The following RBL2 variants were observed in gnomAD, a reference collection of about 807,000 sequenced individuals.
The protein encoded by RBL2 is retinoblastoma-like protein 2.
In RBL2, 56 loss-of-function variants were observed where a neutral mutation model predicts 126.0. That is an observed-to-expected ratio of 0.44 (90% CI 0.36 to 0.56). The LOEUF is 0.56. Ranked by LOEUF, RBL2 falls within the 20% of genes least tolerant of loss-of-function variation. RBL2 has a pLI of 0.00. For missense variants in RBL2, 1,229 were observed against 1,398.2 expected, an observed-to-expected ratio of 0.88 and a Z score of 1.93; for synonymous variants, 454 against 478.5, an observed-to-expected ratio of 0.95 and a Z score of 0.67.
intron 2 of RBL2, among the ~76,000 whole-genome samples, chr16:53,441,772 G>A (rs1055669115): frequency 3.3e-5 from 5 of 152,126 alleles, no homozygotes; most frequent in Admixed American, 2.0e-4. Flanking sequence ...GAAGGGTAAG[G>A]ATGGGATTAG....
chr16:53,454,109 A>T, intron 7 of RBL2: 1 of 405,460 alleles, frequency 2.5e-6, no homozygotes, highest in Non-Finnish European at 4.8e-6. Flanking sequence ...CGGAAGTTGC[A>T]CCTACCAGCA....
intron 21 of RBL2, among the ~76,000 whole-genome samples, chr16:53,484,953 T>C (rs1464124309): frequency 2.0e-5 from 3 of 151,578 alleles, no homozygotes; most frequent in Non-Finnish European, 2.9e-5. Flanking sequence ...AAAAATATTA[T>C]CAGGACAAAG....
chr16:53,455,792 C>T lies in RBL2; in HGVS notation c.1179+950C>T, dbSNP rs142830998. Among the ~76,000 whole-genome samples, 107 of 152,188 alleles carry T rather than the reference C, an allele frequency of 7.0e-4. 3 individuals carry two copies. The East Asian group carries it at 0.016, about 23-fold the overall frequency. On this transcript the variant is annotated intron_variant, in intron 8 of 21. Transcript: ENST00000262133. ...GCTGAGAGCATAACAAATGCAAAGC[C>T]GTGAGGTTGGAACAGGATTAGCTTT...
chr16:53,465,706 A>G (rs1240940010), intron 13 of RBL2, 104 bp downstream of exon 13: 11 of 898,974 alleles, frequency 1.2e-5, no homozygotes, highest in Non-Finnish European at 1.4e-5. Flanking sequence ...AATATGTTAT[A>G]ATTACACCTT....
intron 2 of RBL2, among the ~76,000 whole-genome samples, chr16:53,441,906 C>G (rs1438068025): frequency 6.6e-6 from 1 of 151,960 alleles, no homozygotes; most frequent in Non-Finnish European, 1.5e-5. Context: ...CTGCAACCTC[C>G]GCCTCCCAGG....
At chr16:53,454,015 T>A (rs1347929653) in intron 7 of RBL2, among the ~76,000 whole-genome samples, 1 of 152,194 alleles carries the variant, frequency 6.6e-6, no homozygotes, top group African/African-American at 2.4e-5. Flanking sequence ...CTTTTGGAAC[T>A]ATATGGGTGA....
chr16:53,459,459 A>T lies in RBL2; in HGVS notation c.1188A>T (p.Ala396=), dbSNP rs749471389. 6.2e-7 allele frequency: 1 copy of T among 1,612,090 alleles called. No individual in the cohort carries two copies. The highest frequency in any genetic ancestry group is 1.1e-5 in the South Asian group (1 of 90,544). Residue 396 remains alanine, a synonymous_variant, in exon 9 of 22, where the codon GCA becomes GCT. Transcript: ENST00000262133. ...ATTTTTTTTTTCTTTAGTCCAAAGC[A>T]CTTAGAATCTCCACACCACTAACTG... The part of the protein sequence containing the change: ...ILQQHFDKSK[A]LRISTPLTGV...
At position 53,472,360 on chromosome 16, in the gene RBL2, C is replaced by T. The variant is rs566070392; in HGVS notation, c.2703+1438C>T. The stretch of plus-strand genomic sequence containing the variant: ...ACCGTACCATTTTCCACAGAAGCTG[C>T]ACCATTTGACATTGCTACCAGTAAT... On this transcript the variant is annotated intron_variant, in intron 17 of 21. Transcript: ENST00000262133. Among the ~76,000 whole-genome samples, 3 of 152,302 alleles carry T rather than the reference C, an allele frequency of 2.0e-5. No homozygotes were observed. In the South Asian group the frequency reaches 6.2e-4, roughly 32 times the overall value.
intron 11 of RBL2, 82 bp downstream of exon 11, chr16:53,462,737 C>A (rs1278779449): frequency 3.5e-6 from 3 of 862,414 alleles, no homozygotes; most frequent in Non-Finnish European, 3.6e-6. Context: ...GTTTTTTTTA[C>A]TTTATATATA....
Position 53,464,832 on chromosome 16 carries a change from C to T in RBL2, c.1698+469C>T, listed in dbSNP as rs189276469. ...TTTTTGAGATGGAGTCTTGCTCTGT[C>T]GCCCAGGCTGGAGTGCAGTGGCGCC... On this transcript the variant is annotated intron_variant, in intron 12 of 21. Coordinates refer to ENST00000262133, the MANE Select transcript of RBL2 (RefSeq NM_005611.4). 676 of 151,980 alleles carry T rather than the reference C, an allele frequency of 4.4e-3. 1 individual carries two copies. Among genetic ancestry groups the T allele is most frequent in the Middle Eastern group, 0.013 (4 of 298 alleles). 9.4% of individuals were successfully genotyped at this position (151,980 alleles called of 1,614,324 possible).
intron 7 of RBL2, chr16:53,454,195 A>T (rs1308588600): frequency 1.5e-5 from 7 of 452,262 alleles, no homozygotes; most frequent in Non-Finnish European, 2.2e-5. Flanking sequence ...ATGTGATACT[A>T]TCCAGTTTTT....
At chr16:53,437,282 A>T (rs567396322) in intron 1 of RBL2, among the ~76,000 whole-genome samples, 9 of 151,906 alleles carry the variant, frequency 5.9e-5, no homozygotes, top group Admixed American at 5.2e-4. Flanking sequence ...TCTCCCAGAG[A>T]TATATGTGAT....
intron 1 of RBL2, among the ~76,000 whole-genome samples, chr16:53,436,515 T>A (rs1450059661): frequency 3.9e-5 from 6 of 152,244 alleles, no homozygotes; most frequent in Non-Finnish European, 7.3e-5. Context: ...CACATTGTTC[T>A]AGGTGCTGGA....
At chr16:53,485,452 G>C (rs1739155482) in intron 21 of RBL2, among the ~76,000 whole-genome samples, 1 of 152,086 alleles carries the variant, frequency 6.6e-6, no homozygotes, top group African/African-American at 2.4e-5. Context: ...AAAGAAAAAA[G>C]GTCTCAAATT....
At chr16:53,436,627 T>G (rs1404380227) in intron 1 of RBL2, among the ~76,000 whole-genome samples, 3 of 152,218 alleles carry the variant, frequency 2.0e-5, no homozygotes, top group African/African-American at 4.8e-5. Flanking sequence ...AAAGCTCTTA[T>G]GATGTTTAAT....
At chr16:53,473,231 G>A (rs1960590664) in intron 17 of RBL2, among the ~76,000 whole-genome samples, 1 of 152,170 alleles carries the variant, frequency 6.6e-6, no homozygotes, top group Non-Finnish European at 1.5e-5. Flanking sequence ...AAAGGAATAA[G>A]CTAGGATTCT....
At chr16:53,467,495 C>T (rs1019184433) in intron 14 of RBL2, among the ~76,000 whole-genome samples, 1 of 152,216 alleles carries the variant, frequency 6.6e-6, no homozygotes, top group Admixed American at 6.5e-5. Flanking sequence ...TCAAGCGATT[C>T]TCATGCCTCA....
Position 53,470,491 on chromosome 16 carries a change from T to C in RBL2, c.2354T>C (p.Leu785Pro), listed in dbSNP as rs2058312334. 1 of 1,614,156 alleles carries C rather than the reference T, an allele frequency of 6.2e-7. No homozygotes were observed. Residue 785 changes from leucine (L) to proline (P), a missense_variant, in exon 16 of 22, where the codon CTG becomes CCG. Around this residue, in one of 2 missense-constraint regions of RBL2, gnomAD observed 1,070 missense variants for 1,274.3 expected, o/e 0.84. Transcript: ENST00000262133. ...GSIQPLSAQA[L>P]AGSLSSQQVT... is the part of the protein sequence containing the mutation. ...ATCCAGCCCCTCAGTGCTCAGGCCC[T>C]GGCTGGAAGTCTGAGCTCTCAACAG... is the stretch of plus-strand genomic sequence containing the variant.
intron 21 of RBL2, among the ~76,000 whole-genome samples, chr16:53,483,136 C>T (rs1961022482): frequency 4.6e-5 from 7 of 152,268 alleles, no homozygotes; most frequent in Admixed American, 3.9e-4. Flanking sequence ...AGCTTACTTT[C>T]AAACGGGTTG....
Sources: gnomAD v4.1 joint callset for allele counts (sites outside exome capture counted in the v4.1 genomes callset) on GRCh38, gnomAD v4.1.1 for gene constraint, gnomAD v4.1.1 regional missense constraint, MANE v1.5 for transcripts, NCBI Gene and HGNC (gene_info 2026-07-23, HGNC 2026-07-21) for gene names.